ATRX: variants seen among roughly 807,000 people sequenced by gnomAD.
The protein encoded by ATRX is ATRX chromatin remodeler, also known as chromatin remodeler ATRX.
Under a neutral mutation model 172.6 loss-of-function variants are expected in ATRX, and 12 were observed. That is an observed-to-expected ratio of 0.07 (90% confidence interval 0.04 to 0.11). ATRX has a LOEUF of 0.11. Among genes scored for constraint, ATRX ranks in the 10% least tolerant of loss-of-function variants. The pLI, the probability that ATRX is intolerant of heterozygous loss-of-function variation, is 1.00. For missense variants in ATRX, 1,368 were observed against 1,767.4 expected (o/e 0.77, Z 4.05); for synonymous variants, 674 against 594.7 (o/e 1.13, Z -1.94).
At chrX:77,766,639 C>T (rs1326945300) in intron 1 of ATRX, among the ~76,000 whole-genome samples, 2 of 105,790 alleles carry the variant, frequency 1.9e-5, no homozygotes, top group Admixed American at 1.0e-4. Context: ...CGGGCAGAGA[C>T]GCTCCTCACT....
intron 2 of ATRX, among the ~76,000 whole-genome samples, chrX:77,707,561 A>C (rs1380748101): frequency 9.0e-6 from 1 of 111,578 alleles, no homozygotes; most frequent in Non-Finnish European, 1.9e-5. Flanking sequence ...CTTGGTCAAC[A>C]AATTAAGACC....
chrX:77,593,942 T>C, intron 25 of ATRX, 93 bp from the exon 26 acceptor site: 1 of 888,096 alleles, frequency 1.1e-6, no homozygotes. Context: ...ATGGGGAGAG[T>C]AAGAAAGAAA....
chrX:77,639,535 C>T (rs2148381226), intron 15 of ATRX, among the ~76,000 whole-genome samples: 1 of 111,584 alleles, frequency 9.0e-6, no homozygotes, highest in African/African-American at 3.3e-5. Flanking sequence ...CTTCCTGACC[C>T]GTGAGACAAA....
chrX:77,535,139 C>T (rs185037436), intron 30 of ATRX, among the ~76,000 whole-genome samples: 27 of 112,133 alleles, frequency 2.4e-4, no homozygotes, highest in Admixed American at 2.2e-3. Flanking sequence ...TCCCAAACTA[C>T]GCTGGAAAAA....
intron 1 of ATRX, among the ~76,000 whole-genome samples, chrX:77,772,850 T>G (rs1296672790): frequency 3.9e-5 from 4 of 102,280 alleles, no homozygotes; most frequent in African/African-American, 1.4e-4. Context: ...CACCACCAAT[T>G]TTTTTTTTTT....
chrX:77,680,198 A>T (rs1368724857), intron 9 of ATRX, among the ~76,000 whole-genome samples: 2 of 111,862 alleles, frequency 1.8e-5, no homozygotes, highest in Admixed American at 9.6e-5. Context: ...TAAAAACCAA[A>T]AAGTTGCAAA....
At chrX:77,739,279 G>C (rs2074746585) in intron 1 of ATRX, among the ~76,000 whole-genome samples, 1 of 109,903 alleles carries the variant, frequency 9.1e-6, no homozygotes, top group African/African-American at 3.3e-5. Flanking sequence ...TAGAATAATA[G>C]TCTCCAATCC....
At chrX:77,615,153 C>T (rs2067304822) in intron 22 of ATRX, among the ~76,000 whole-genome samples, 1 of 110,614 alleles carries the variant, frequency 9.0e-6, no homozygotes, top group African/African-American at 3.3e-5. Context: ...TGTGCATTAC[C>T]ATACCCGGCT....
chrX:77,543,342 C>T (rs781815334), intron 30 of ATRX, among the ~76,000 whole-genome samples: 1 of 112,076 alleles, frequency 8.9e-6, no homozygotes, highest in South Asian at 3.8e-4. Flanking sequence ...AATAGGAATG[C>T]TTTTACACTG....
chrX:77,660,852 T>C (rs1360274312), intron 12 of ATRX, among the ~76,000 whole-genome samples: 4 of 111,293 alleles, frequency 3.6e-5, no homozygotes, highest in African/African-American at 6.5e-5. Flanking sequence ...TTCTGTGATA[T>C]TGTACATACA....
chrX:77,522,149 T>C (rs781832876), intron 32 of ATRX, 114 bp downstream of exon 32: 1 of 1,026,183 alleles, frequency 9.7e-7, no homozygotes, highest in East Asian at 3.1e-5. Context: ...TATTCGTCTA[T>C]TCAGGGGTAA....
chrX:77,628,429 T>G (rs1327807457), intron 19 of ATRX, among the ~76,000 whole-genome samples: 1 of 112,626 alleles, frequency 8.9e-6, no homozygotes, highest in Non-Finnish European at 1.9e-5. Context: ...TTTTGTCACA[T>G]GCTATTATAA....
chrX:77,566,604 T>C (rs1468449129), intron 28 of ATRX, among the ~76,000 whole-genome samples: 2 of 110,978 alleles, frequency 1.8e-5, no homozygotes, highest in African/African-American at 6.6e-5. Context: ...AATACAGAAA[T>C]TAGCCAGGTG....
chrX:77,522,276 T>C lies in ATRX; in HGVS notation c.6962A>G (p.Asn2321Ser). 8.3e-7 allele frequency: 1 copy of C among 1,210,995 alleles called. No individual in the cohort carries two copies. The highest frequency in any genetic ancestry group is 1.1e-6 in the Non-Finnish European group (1 of 894,830). The part of the protein sequence containing the change: ...FNLGALSAMS[N>S]QQLEDLINQG... ...TTCACAACTCACCTCCAGCTGTTGATTACTCATTGCTGACAGGGCTCCCAA... is the reference window on the plus strand; with the variant it reads ...TTCACAACTCACCTCCAGCTGTTGACTACTCATTGCTGACAGGGCTCCCAA... Residue 2321 changes from asparagine (N) to serine (S), a missense_variant, in exon 32 of 35, where the codon AAT becomes AGT. By Grantham distance (46) the Asn-to-Ser change is conservative. Transcript: ENST00000373344.
In ATRX at chrX:77,618,811, C is replaced by G; in HGVS notation, c.5443G>C (p.Val1815Leu). The G allele has an allele frequency of 8.3e-7, 1 of 1,207,262 alleles. No homozygotes were observed. The highest frequency in any genetic ancestry group is 1.1e-6 in the Non-Finnish European group (1 of 891,636). ...HILYEMLAGC[V>L]QRKDYTALTK... ...ACTATGGAACATATTTGTACCTGAA[C>G]ACATCCAGCTAACATCTCATAGAGA... is the stretch of plus-strand genomic sequence containing the variant. The change falls in exon 21 of 35, where the codon GTT becomes CTT. Residue 1815 changes from valine to leucine, a missense_variant. Val to Leu is a conservative substitution (Grantham distance 32, BLOSUM62 1). Coordinates refer to ENST00000373344, the MANE Select transcript of ATRX (RefSeq NM_000489.6).
chrX:77,538,357 T>A (rs1267171606), intron 30 of ATRX, among the ~76,000 whole-genome samples: 1 of 109,770 alleles, frequency 9.1e-6, no homozygotes, highest in African/African-American at 3.3e-5. Flanking sequence ...CTTAAGGAAA[T>A]AACTCAGAAA....
At chrX:77,752,292 C>G (rs1396986041) in intron 1 of ATRX, among the ~76,000 whole-genome samples, 1 of 111,405 alleles carries the variant, frequency 9.0e-6, no homozygotes, top group African/African-American at 3.3e-5. Flanking sequence ...ATTATTGGTA[C>G]ATAGGAATGC....
chrX:77,632,895 T>C (rs1243842021), intron 19 of ATRX, among the ~76,000 whole-genome samples: 1 of 112,016 alleles, frequency 8.9e-6, no homozygotes, highest in Admixed American at 9.5e-5. Flanking sequence ...GCTCTTGTTA[T>C]CACCTAATAT....
Position 77,618,794 on chromosome X carries a change from A to G in ATRX, c.5448+12T>C, listed in dbSNP as rs2067466640. On this transcript the variant is annotated intron_variant, in intron 21 of 34. Transcript: ENST00000373344. ...AGTAAGAATATTTTATTACTATGGA[A>G]CATATTTGTACCTGAACACATCCAG... The G allele has an allele frequency of 1.7e-6, 2 of 1,194,341 alleles. No homozygotes were observed. The highest frequency in any genetic ancestry group is 2.3e-6 in the Non-Finnish European group (2 of 879,967).
Sources: allele counts gnomAD v4.1 joint callset (sites outside exome capture counted in the v4.1 genomes callset), GRCh38; gene constraint gnomAD v4.1.1; transcripts MANE v1.5; gene names NCBI Gene and HGNC (gene_info 2026-07-23, HGNC 2026-07-21).